ZGRF1: variants seen among roughly 807,000 people sequenced by gnomAD.
The protein encoded by ZGRF1 is zinc finger GRF-type containing 1, also known as 5'-3' DNA helicase ZGRF1.
Under a neutral mutation model 203.5 loss-of-function variants are expected in ZGRF1, and 196 were observed. The observed-to-expected ratio is 0.96, with a 90% CI of 0.86 to 1.08. The LOEUF (loss-of-function observed/expected upper bound fraction) is 1.08, where lower values mean the gene tolerates loss of function less well. Ranked by LOEUF, ZGRF1 falls within the 50% of genes least tolerant of loss-of-function variation. The probability of loss-of-function intolerance (pLI) is 0.00; values close to 1 mark genes in which losing one functional copy is unlikely to be tolerated. For synonymous variants in ZGRF1, 809 were observed against 841.3 expected, an observed-to-expected ratio of 0.96 and a Z score of 0.66; for missense variants, 2,326 against 2,416.3, an observed-to-expected ratio of 0.96 and a Z score of 0.78.
At chr4:112,570,500 G>A (rs1017793235) in intron 16 of ZGRF1, among the ~76,000 whole-genome samples, 8 of 151,846 alleles carry the variant, frequency 5.3e-5, no homozygotes, top group Admixed American at 5.2e-4. Flanking sequence ...AGGCAGAATG[G>A]CTTGAACCTG....
At chr4:112,606,237 C>A in intron 8 of ZGRF1, 146 bp from the exon 9 acceptor site, 1 of 590,702 alleles carries the variant, frequency 1.7e-6, no homozygotes, top group Non-Finnish European at 2.9e-6. Context: ...TCTACACACA[C>A]ATACAAGCTA....
intron 23 of ZGRF1, 109 bp downstream of exon 23, chr4:112,548,144 T>G (rs1739176044): frequency 4.5e-6 from 4 of 885,126 alleles, no homozygotes; most frequent in Non-Finnish European, 6.7e-6. Flanking sequence ...ATTCGCCATG[T>G]TGTCCAAGCT....
At chr4:112,617,349 C>A in intron 6 of ZGRF1, 91 bp downstream of exon 6, 1 of 926,152 alleles carries the variant, frequency 1.1e-6, no homozygotes, top group South Asian at 2.0e-5. Context: ...CTATGTAATT[C>A]TTTAATGTAT....
intron 22 of ZGRF1, among the ~76,000 whole-genome samples, chr4:112,548,993 A>G (rs1284507614): frequency 1.3e-5 from 1 of 75,798 alleles, no homozygotes; most frequent in Non-Finnish European, 2.5e-5. Context: ...GGGCGCCTGT[A>G]GTCCCAGCTA....
chr4:112,542,815 TTTTCTTTC>T (rs756056873), intron 24 of ZGRF1, among the ~76,000 whole-genome samples: 4 of 151,780 alleles, frequency 2.6e-5, no homozygotes, highest in Non-Finnish European at 5.9e-5. Context: ...TTTCTTTTCT[TTTTCTTTC>T]TTTCTTTCTT....
At chr4:112,569,253 A>T (rs1743775388) in intron 16 of ZGRF1, among the ~76,000 whole-genome samples, 1 of 152,254 alleles carries the variant, frequency 6.6e-6, no homozygotes, top group South Asian at 2.1e-4. Context: ...AGAACTACTC[A>T]AAGTAGGCTG....
chr4:112,545,652 G>A (rs1043727334), intron 24 of ZGRF1, among the ~76,000 whole-genome samples: 4 of 152,084 alleles, frequency 2.6e-5, no homozygotes, highest in East Asian at 1.9e-4. Context: ...CTGAAAGCAG[G>A]GATTTGAACA....
chr4:112,590,924 CAAAA>C (rs550984359), intron 10 of ZGRF1, among the ~76,000 whole-genome samples: 1 of 64,614 alleles, frequency 1.5e-5, no homozygotes. Context: ...GACTCCTTCT[CAAAA>C]AAAAAAAAAA....
At chr4:112,569,593 A>C (rs1254277658) in intron 16 of ZGRF1, among the ~76,000 whole-genome samples, 1 of 152,192 alleles carries the variant, frequency 6.6e-6, no homozygotes, top group Non-Finnish European at 1.5e-5. Context: ...CTTTCTAAGT[A>C]TCTGTTTTAT....
chr4:112,584,402 A>T (rs890846730), intron 14 of ZGRF1, among the ~76,000 whole-genome samples: 2 of 152,184 alleles, frequency 1.3e-5, no homozygotes, highest in African/African-American at 4.8e-5. Flanking sequence ...ATAAAAGCTT[A>T]TTTGAAAATT....
intron 7 of ZGRF1, among the ~76,000 whole-genome samples, chr4:112,609,902 G>A (rs1371243970): frequency 6.6e-6 from 1 of 152,156 alleles, no homozygotes; most frequent in African/African-American, 2.4e-5. Flanking sequence ...ACACTTTAGA[G>A]GCTGGGGCTG....
chr4:112,568,265 C>T (rs1343412083), intron 16 of ZGRF1, among the ~76,000 whole-genome samples: 1 of 151,966 alleles, frequency 6.6e-6, no homozygotes, highest in African/African-American at 2.4e-5. Context: ...AGATGATGAA[C>T]TTTAGATTTA....
At chr4:112,597,722 T>C (rs1226336608) in intron 10 of ZGRF1, among the ~76,000 whole-genome samples, 1 of 148,792 alleles carries the variant, frequency 6.7e-6, no homozygotes, top group African/African-American at 2.5e-5. Context: ...CTACTAAAAA[T>C]ACCAAAAAAA....
Position 112,618,540 on chromosome 4 carries a change from T to C in ZGRF1, c.1502A>G (p.Asp501Gly). The change falls in exon 6 of 28, where the codon GAC (aspartate) becomes GGC (glycine). Residue 501 changes from aspartate (D) to glycine (G), a missense_variant. Coordinates refer to ENST00000505019, the MANE Select transcript of ZGRF1 (RefSeq NM_018392.5). ...ATCCATTTTACTTTCAGAAATCATG[T>C]CTGTAATGTCATCAGAGATCCTAGA... ...NNSRISDDIT[D>G]MISESKMDNE... is the part of the protein sequence containing the mutation. 6.2e-7 allele frequency: 1 copy of C among 1,613,470 alleles called. No homozygotes were observed. The highest frequency in any genetic ancestry group is 1.3e-5 in the African/African-American group (1 of 75,040).
intron 10 of ZGRF1, among the ~76,000 whole-genome samples, chr4:112,602,573 G>T (rs1217474916): frequency 6.6e-6 from 1 of 152,194 alleles, no homozygotes; most frequent in Non-Finnish European, 1.5e-5. Context: ...GTGTGTATAT[G>T]TACATGTTCA....
Position 112,619,429 on chromosome 4 carries a change from C to G in ZGRF1, c.613G>C (p.Glu205Gln). ...VFSPSFQINP[E>Q]VLCEENYFCS... ...AAATAATTTTCTTCACACAGCACTT[C>G]TGGGTTAATCTGGAAGGATGGAGAA... is the stretch of plus-strand genomic sequence containing the variant. Residue 205 changes from glutamate (E) to glutamine (Q), a missense_variant, in exon 6 of 28, where the codon GAA (glutamate) becomes CAA (glutamine). By Grantham distance (29) the Glu-to-Gln change is conservative. Coordinates refer to ENST00000505019, the MANE Select transcript of ZGRF1 (RefSeq NM_018392.5). The G allele has an allele frequency of 6.2e-7, 1 of 1,612,410 alleles. No individual in the cohort carries two copies. The highest frequency in any genetic ancestry group is 1.3e-5 in the African/African-American group (1 of 74,918).
chr4:112,545,142 G>T (rs1057363749), intron 24 of ZGRF1, among the ~76,000 whole-genome samples: 3 of 151,524 alleles, frequency 2.0e-5, no homozygotes, highest in Admixed American at 6.6e-5. Flanking sequence ...TAGGTAAACT[G>T]AACTTCATCG....
chr4:112,568,449 G>A (rs138425768), intron 16 of ZGRF1, among the ~76,000 whole-genome samples: 3,238 of 152,106 alleles, frequency 0.021, 119 homozygotes, highest in African/African-American at 0.072. Context: ...GGTGGCTCAC[G>A]CTTGTAATCC....
rs936590159 is a variant in ZGRF1, at chr4:112,547,778, A to G, written c.5475-370T>C. Among the ~76,000 whole-genome samples, 7 of 152,168 alleles carry G rather than the reference A, an allele frequency of 4.6e-5. No individual in the cohort carries two copies. In the East Asian group the frequency reaches 1.3e-3, roughly 29 times the overall value. On this transcript the variant is annotated intron_variant, in intron 23 of 27. Coordinates refer to ENST00000505019, the MANE Select transcript of ZGRF1 (RefSeq NM_018392.5). ...AACCCTTGTTTTAGAAGTGAAGTAA[A>G]TTGGGTTCTTAGGGGCTAAATGTTT...
Sources: gnomAD v4.1 joint callset for allele counts (sites outside exome capture counted in the v4.1 genomes callset) on GRCh38, gnomAD v4.1.1 for gene constraint, MANE v1.5 for transcripts, NCBI Gene and HGNC (gene_info 2026-07-23, HGNC 2026-07-21) for gene names.